ITSN2: variants seen among roughly 807,000 people sequenced by gnomAD.
ITSN2 encodes the protein intersectin-2.
Under a neutral mutation model 243.7 loss-of-function variants are expected in ITSN2, and 156 were observed. That is an observed-to-expected ratio of 0.64 (90% CI 0.56 to 0.73). The LOEUF (loss-of-function observed/expected upper bound fraction) is 0.73. ITSN2 is among the 30% of genes least tolerant of loss of function. ITSN2 has a pLI of 0.00. For missense variants in ITSN2, 1,801 were observed against 1,996.1 expected, an observed-to-expected ratio of 0.90 and a Z score of 1.86; for synonymous variants, 703 against 699.9, an observed-to-expected ratio of 1.00 and a Z score of -0.07.
chr2:24,318,210 C>T (rs1178908192), intron 2 of ITSN2, among the ~76,000 whole-genome samples: 2 of 152,088 alleles, frequency 1.3e-5, no homozygotes, highest in Non-Finnish European at 2.9e-5. Flanking sequence ...TACAGAGTGA[C>T]CCTTGGCTCA....
chr2:24,215,914 C>T (rs1300036803), intron 32 of ITSN2, 135 bp downstream of exon 32: 2 of 569,682 alleles, frequency 3.5e-6, no homozygotes, highest in Non-Finnish European at 5.6e-6. Context: ...GGAAAATTCT[C>T]TGCCGTTTTG....
intron 2 of ITSN2, among the ~76,000 whole-genome samples, chr2:24,320,203 C>T (rs1416866786): frequency 2.6e-5 from 2 of 75,850 alleles, no homozygotes; most frequent in Non-Finnish European, 5.2e-5. Context: ...ATAGTGAGAC[C>T]CCATCTCTAC....
chr2:24,322,893 A>G (rs1684748742), intron 2 of ITSN2, among the ~76,000 whole-genome samples: 2 of 152,096 alleles, frequency 1.3e-5, no homozygotes, highest in African/African-American at 2.4e-5. Flanking sequence ...CCCCCCTCAA[A>G]AAAAAGGAAC....
chr2:24,305,373 G>A (rs1041810835), intron 8 of ITSN2, among the ~76,000 whole-genome samples: 2 of 152,194 alleles, frequency 1.3e-5, no homozygotes, highest in South Asian at 4.1e-4. Flanking sequence ...AGACCAAGGC[G>A]GGCGGATCAC....
At chr2:24,217,337 A>T (rs1670063719) in intron 31 of ITSN2, among the ~76,000 whole-genome samples, 1 of 152,116 alleles carries the variant, frequency 6.6e-6, no homozygotes, top group Non-Finnish European at 1.5e-5. Flanking sequence ...CTTTTGAAAG[A>T]TTCTAACTTG....
Position 24,209,343 on chromosome 2 carries a change from G to A in ITSN2, c.4474-122C>T, listed in dbSNP as rs548629011. On this transcript the variant is annotated intron_variant, in intron 35 of 39. Coordinates refer to ENST00000355123, the MANE Select transcript of ITSN2 (RefSeq NM_006277.3). ...GTTGAGAAGGAGAAAGGGGTCTAGCGTCTAAGGTCTTCTACACAGAACAAA... is the reference window on the plus strand; with the variant it reads ...GTTGAGAAGGAGAAAGGGGTCTAGCATCTAAGGTCTTCTACACAGAACAAA... 4.9e-5 allele frequency: 49 copies of A among 999,524 alleles called. No homozygotes were observed. The East Asian group carries it at 9.9e-4, about 20-fold the overall frequency. The allele number at this position is 999,524 out of a possible 1,614,324, so 61.9% of individuals were successfully genotyped here.
chr2:24,213,585 C>A (rs375500128), intron 32 of ITSN2, among the ~76,000 whole-genome samples: 1 of 152,162 alleles, frequency 6.6e-6, no homozygotes, highest in Admixed American at 6.5e-5. Flanking sequence ...TAAAAAGTAA[C>A]ATTTTAGAAC....
In ITSN2 at chr2:24,295,779, C is replaced by A; in HGVS notation, c.1520G>T (p.Gly507Val). The change falls in exon 14 of 40, where the codon GGC (glycine) becomes GTC (valine). Residue 507 changes from glycine to valine, a missense_variant. Gly to Val is a moderately radical substitution (Grantham distance 109). Transcript: ENST00000355123. Reference sequence around the variant, plus strand: ...TTTGAGTCGGACATCCTGAAGTCTGCCTGAGATCTGCTGATGTTTGCCATT... The same window carrying A: ...TTTGAGTCGGACATCCTGAAGTCTGACTGAGATCTGCTGATGTTTGCCATT... ...ALNGKHQQIS[G>V]RLQDVRLKKQ... 1.3e-6 allele frequency: 2 copies of A among 1,554,566 alleles called. No homozygotes were observed. Among genetic ancestry groups the A allele is most frequent in the Non-Finnish European group, 1.7e-6 (2 of 1,157,188 alleles).
chr2:24,324,237 A>C (rs1020196331), intron 2 of ITSN2, among the ~76,000 whole-genome samples: 11 of 151,950 alleles, frequency 7.2e-5, no homozygotes, highest in African/African-American at 2.7e-4. Flanking sequence ...GTCTCAAAAA[A>C]ATTAAATTAA....
At chr2:24,313,631 C>T in intron 3 of ITSN2, 108 bp from the exon 4 acceptor site, 1 of 645,996 alleles carries the variant, frequency 1.5e-6, no homozygotes, top group South Asian at 2.4e-5. Context: ...AATTTTAATA[C>T]CAATCATTAA....
chr2:24,283,645 T>A (rs1161697177), intron 17 of ITSN2, among the ~76,000 whole-genome samples: 1 of 152,246 alleles, frequency 6.6e-6, no homozygotes, highest in Non-Finnish European at 1.5e-5. Context: ...AGTATAGATT[T>A]CATATCTCTT....
chr2:24,346,550 G>A (rs1574392480), intron 1 of ITSN2, among the ~76,000 whole-genome samples: 2 of 152,018 alleles, frequency 1.3e-5, no homozygotes, highest in African/African-American at 4.8e-5. Flanking sequence ...TAAGGAAACT[G>A]AAATAATGCA....
chr2:24,262,256 AATATT>A (rs1181624518), intron 20 of ITSN2, among the ~76,000 whole-genome samples: 1 of 152,164 alleles, frequency 6.6e-6, no homozygotes, highest in East Asian at 1.9e-4. Flanking sequence ...TAATGTTTAT[AATATT>A]ATGATTATGT....
intron 20 of ITSN2, among the ~76,000 whole-genome samples, chr2:24,263,528 C>A (rs1022655341): frequency 6.6e-6 from 1 of 152,148 alleles, no homozygotes; most frequent in Non-Finnish European, 1.5e-5. Flanking sequence ...ACTTCCATCA[C>A]CCCCAAAAGT....
intron 15 of ITSN2, among the ~76,000 whole-genome samples, chr2:24,287,441 T>C (rs1679651242): frequency 6.6e-6 from 1 of 152,118 alleles, no homozygotes; most frequent in South Asian, 2.1e-4. Flanking sequence ...TTAGATTTTA[T>C]ATGAAACTGA....
intron 17 of ITSN2, among the ~76,000 whole-genome samples, chr2:24,282,148 G>A (rs1358159650): frequency 1.3e-5 from 2 of 152,210 alleles, no homozygotes; most frequent in African/African-American, 4.8e-5. Flanking sequence ...ACCATCCTGT[G>A]CCTACAAAAA....
chr2:24,276,762 G>A (rs1574113447), intron 17 of ITSN2, among the ~76,000 whole-genome samples: 2 of 152,164 alleles, frequency 1.3e-5, no homozygotes, highest in Non-Finnish European at 2.9e-5. Flanking sequence ...TCCCTGCTCA[G>A]AAACGACTGG....
intron 1 of ITSN2, among the ~76,000 whole-genome samples, chr2:24,349,329 A>AT (rs1294982475): frequency 6.6e-6 from 1 of 152,186 alleles, no homozygotes; most frequent in African/African-American, 2.4e-5. Flanking sequence ...CTTCCCCCAA[A>AT]TATTTCAAAC....
At chr2:24,288,279 T>A (rs1279055998) in intron 15 of ITSN2, among the ~76,000 whole-genome samples, 1 of 152,126 alleles carries the variant, frequency 6.6e-6, no homozygotes, top group East Asian at 1.9e-4. Flanking sequence ...GGCTACCTTT[T>A]CCCATTGTGT....
Sources: allele counts gnomAD v4.1 joint callset (sites outside exome capture counted in the v4.1 genomes callset), GRCh38; gene constraint gnomAD v4.1.1; transcripts MANE v1.5; gene names NCBI Gene and HGNC (gene_info 2026-07-23, HGNC 2026-07-21).